KCNIP3: variants seen among roughly 807,000 people sequenced by gnomAD.
KCNIP3 encodes potassium voltage-gated channel interacting protein 3.
In KCNIP3, 28 loss-of-function variants were observed where a neutral mutation model predicts 35.0. That is an observed-to-expected ratio of 0.80 (90% CI 0.59 to 1.10). The LOEUF (loss-of-function observed/expected upper bound fraction) is 1.10. KCNIP3 is among the 50% of genes least tolerant of loss of function. The pLI, the probability that KCNIP3 is intolerant of heterozygous loss-of-function variation, is 0.00. For missense variants in KCNIP3, 295 were observed against 338.4 expected (o/e 0.87, Z 1.01); for synonymous variants, 134 against 133.8 (o/e 1.00, Z -0.01).
At chr2:95,346,324 C>T (rs1178810597) in intron 2 of KCNIP3, among the ~76,000 whole-genome samples, 3 of 151,566 alleles carry the variant, frequency 2.0e-5, no homozygotes, top group Non-Finnish European at 2.9e-5. Context: ...GCTCCCGGCC[C>T]CTCCCCAGCC....
At chr2:95,349,771 T>A (rs1679465388) in intron 2 of KCNIP3, among the ~76,000 whole-genome samples, 1 of 152,230 alleles carries the variant, frequency 6.6e-6, no homozygotes. Context: ...CCTTCCCTGG[T>A]GACCTACGGG....
At position 95,376,627 on chromosome 2, in the gene KCNIP3, C is replaced by T. The variant is rs951980490; in HGVS notation, c.447+1419C>T. On this transcript the variant is annotated intron_variant, in intron 5 of 8. Transcript: ENST00000295225. This position sits in a 1 kb window ranked among gnomAD's most constrained non-coding sequence, Gnocchi z 4.2. The stretch of plus-strand genomic sequence containing the variant: ...CTGCACGTGAAACGAAGTCCTCTGG[C>T]TTCACGCAGGTACATTTACCTTGAG... Among the ~76,000 whole-genome samples the T allele has an allele frequency of 2.6e-5, 4 of 152,256 alleles. No individual in the cohort carries two copies. The highest frequency in any genetic ancestry group is 9.6e-5 in the African/African-American group (4 of 41,464).
chr2:95,372,386 C>T (rs1259906321), intron 2 of KCNIP3, among the ~76,000 whole-genome samples: 2 of 152,202 alleles, frequency 1.3e-5, no homozygotes, highest in African/African-American at 4.8e-5. Context: ...GTGCAGGCCC[C>T]TGGGCAGGGG....
chr2:95,317,681 C>T (rs548920909), intron 2 of KCNIP3, among the ~76,000 whole-genome samples: 1 of 152,166 alleles, frequency 6.6e-6, no homozygotes, highest in Non-Finnish European at 1.5e-5. Context: ...GACAGACAGA[C>T]AGACCAGGAG....
In KCNIP3 at chr2:95,370,710, C is replaced by T. The variant is rs1202142867; in HGVS notation, c.182-3586C>T. Among the ~76,000 whole-genome samples, 3 of 152,114 alleles carry T rather than the reference C, an allele frequency of 2.0e-5. No individual in the cohort carries two copies. In the East Asian group the frequency reaches 5.8e-4, roughly 29 times the overall value. On this transcript the variant is annotated intron_variant, in intron 2 of 8. Transcript: ENST00000295225. ...TTTTTCCAGCCTGTGACTTGAGTTT[C>T]TTAATGACTTTATTATAAGGTTTGT...
At chr2:95,328,451 G>A (rs1179474079) in intron 2 of KCNIP3, among the ~76,000 whole-genome samples, 2 of 152,240 alleles carry the variant, frequency 1.3e-5, no homozygotes, top group African/African-American at 2.4e-5. Context: ...GGAGGAGAGC[G>A]GTGGGGAGGG....
chr2:95,327,388 C>T (rs954523096), intron 2 of KCNIP3, among the ~76,000 whole-genome samples: 6 of 152,198 alleles, frequency 3.9e-5, no homozygotes, highest in Non-Finnish European at 5.9e-5. Context: ...CACACACGCA[C>T]ACATACACAC....
chr2:95,384,482 A>G lies in KCNIP3; in HGVS notation c.*433A>G. ...TCTTGCCACACAGTGGGCCGGCCCCAGGCTCCCCTGGTCTCCTCCCCGTAG... is the reference window on the plus strand; with the variant it reads ...TCTTGCCACACAGTGGGCCGGCCCCGGGCTCCCCTGGTCTCCTCCCCGTAG... On this transcript the variant is annotated 3_prime_UTR_variant, in exon 9 of 9. Coordinates refer to ENST00000295225, the MANE Select transcript of KCNIP3 (RefSeq NM_013434.5). The G allele has an allele frequency of 5.1e-6, 1 of 197,264 alleles. No individual in the cohort carries two copies. The highest frequency in any genetic ancestry group is 1.0e-4 in the South Asian group (1 of 9,562). The allele number at this position is 197,264 out of a possible 1,614,324, so 12.2% of individuals were successfully genotyped here. A position where few individuals can be genotyped will look rare whatever the true frequency, so the allele number is the denominator to read the frequency against.
At chr2:95,300,277 T>A (rs923402306) in intron 1 of KCNIP3, among the ~76,000 whole-genome samples, 2 of 152,220 alleles carry the variant, frequency 1.3e-5, no homozygotes, top group Non-Finnish European at 2.9e-5. Context: ...ATTTTTGGAC[T>A]GTGGATCCAG....
chr2:95,352,402 TA>T (rs1289211346), intron 2 of KCNIP3, among the ~76,000 whole-genome samples: 1 of 151,664 alleles, frequency 6.6e-6, no homozygotes, highest in African/African-American at 2.4e-5. Flanking sequence ...GGAGGAAGGG[TA>T]GCTGGGGAGG....
At chr2:95,370,912 C>T (rs559168702) in intron 2 of KCNIP3, among the ~76,000 whole-genome samples, 34 of 152,000 alleles carry the variant, frequency 2.2e-4, no homozygotes, top group Non-Finnish European at 4.4e-4. Flanking sequence ...AGGTGTGCAC[C>T]ACCACACCTG....
intron 2 of KCNIP3, among the ~76,000 whole-genome samples, chr2:95,364,669 G>A (rs932386950): frequency 6.6e-6 from 1 of 152,026 alleles, no homozygotes; most frequent in Non-Finnish European, 1.5e-5. Context: ...AAAGAGCCTG[G>A]CACCTCCTCC....
At chr2:95,345,527 C>T (rs1053010610) in intron 2 of KCNIP3, among the ~76,000 whole-genome samples, 2 of 152,254 alleles carry the variant, frequency 1.3e-5, no homozygotes, top group Non-Finnish European at 2.9e-5. Flanking sequence ...CAGAGGCTCC[C>T]TAGATGGAAG....
intron 2 of KCNIP3, among the ~76,000 whole-genome samples, chr2:95,327,418 C>T (rs1311309916): frequency 2.0e-5 from 3 of 152,178 alleles, no homozygotes; most frequent in Admixed American, 1.3e-4. Flanking sequence ...TACGCTTACA[C>T]TCACACATGC....
intron 2 of KCNIP3, among the ~76,000 whole-genome samples, chr2:95,327,281 A>T (rs539665578): frequency 1.3e-4 from 20 of 152,068 alleles, no homozygotes; most frequent in African/African-American, 3.4e-4. Flanking sequence ...CATCCCCAGG[A>T]CCTCATTGTC....
At chr2:95,306,260 T>A (rs1678162880) in intron 1 of KCNIP3, among the ~76,000 whole-genome samples, 1 of 152,224 alleles carries the variant, frequency 6.6e-6, no homozygotes, top group South Asian at 2.1e-4. Flanking sequence ...GAACATCTCT[T>A]CCCGCCGCCT....
At chr2:95,348,134 C>T (rs147621732) in intron 2 of KCNIP3, among the ~76,000 whole-genome samples, 1 of 152,386 alleles carries the variant, frequency 6.6e-6, no homozygotes, top group East Asian at 1.9e-4. Flanking sequence ...GGCTCTGCCA[C>T]ACCTTCTCTC....
intron 2 of KCNIP3, among the ~76,000 whole-genome samples, chr2:95,337,825 A>C (rs1300064474): frequency 6.6e-6 from 1 of 152,110 alleles, no homozygotes; most frequent in Non-Finnish European, 1.5e-5. Flanking sequence ...TGCTGTCCTC[A>C]TGATGGGCTT....
At chr2:95,368,486 T>G (rs555254034) in intron 2 of KCNIP3, 1 of 205,520 alleles carries the variant, frequency 4.9e-6, no homozygotes, top group East Asian at 1.1e-4. Context: ...AAGAACTTAC[T>G]CATGTAAGCA....
Sources: gnomAD v4.1 joint callset for allele counts (sites outside exome capture counted in the v4.1 genomes callset) on GRCh38, gnomAD v4.1.1 for gene constraint, Gnocchi (gnomAD v3.1) non-coding constraint, MANE v1.5 for transcripts, NCBI Gene and HGNC (gene_info 2026-07-23, HGNC 2026-07-21) for gene names.